Variants in TVP23C observed in about 807,000 individuals in gnomAD.
TVP23C encodes the protein Golgi apparatus membrane protein TVP23 homolog C.
A neutral mutation model predicts 28.7 loss-of-function variants in TVP23C; 19 were observed. The ratio of observed to expected loss-of-function variants is 0.66; its 90% CI spans 0.46 to 0.97. TVP23C has a LOEUF of 0.97. Among genes scored for constraint, TVP23C ranks in the 50% least tolerant of loss-of-function variants. The pLI is 0.00. For missense variants in TVP23C, 186 were observed against 241.3 expected (o/e 0.77, Z 1.52); for synonymous variants, 68 against 81.7 (o/e 0.83, Z 0.90).
chr17:15,523,069 G>T (rs1159383359), intron 5 of TVP23C, among the ~76,000 whole-genome samples: 1 of 152,084 alleles, frequency 6.6e-6, no homozygotes, highest in East Asian at 1.9e-4. Context: ...GAGTGCAGTG[G>T]TGCGATCTCG....
At chr17:15,503,062 T>A in exon 6 of TVP23C, 1 of 1,614,124 alleles carries the variant, frequency 6.2e-7, no homozygotes, top group Non-Finnish European at 8.5e-7. Context: ...AGTAAAGAGC[T>A]CGATCCGTGA....
intron 5 of TVP23C, among the ~76,000 whole-genome samples, chr17:15,528,229 G>A (rs1982806580): frequency 6.6e-6 from 1 of 152,130 alleles, no homozygotes; most frequent in Non-Finnish European, 1.5e-5. Flanking sequence ...AAAAATAAGT[G>A]TTTACTGTTA....
chr17:15,516,034 C>A (rs1442133138), intron 5 of TVP23C, among the ~76,000 whole-genome samples: 1 of 152,204 alleles, frequency 6.6e-6, no homozygotes, highest in Non-Finnish European at 1.5e-5. Flanking sequence ...GCGTGCTCCC[C>A]CTTTGCCTTC....
chr17:15,543,587 A>G (rs1260643570), intron 5 of TVP23C, among the ~76,000 whole-genome samples: 2 of 151,638 alleles, frequency 1.3e-5, no homozygotes, highest in Admixed American at 1.3e-4. Context: ...GGAAATACAG[A>G]GAGAAGCCTT....
At chr17:15,555,705 G>A (rs1472534136) in intron 1 of TVP23C, among the ~76,000 whole-genome samples, 5 of 151,874 alleles carry the variant, frequency 3.3e-5, no homozygotes, top group Non-Finnish European at 7.4e-5. Flanking sequence ...AGGCTACTGG[G>A]GATAATCTCA....
chr17:15,558,395 TCCTCA>T (rs1315737792), intron 1 of TVP23C, among the ~76,000 whole-genome samples: 1 of 143,780 alleles, frequency 7.0e-6, no homozygotes, highest in Non-Finnish European at 1.5e-5. Context: ...GCTGAATACC[TCCTCA>T]CCCCTCCCAA....
At chr17:15,534,030 G>C (rs1334352622), downstream of TVP23C, among the ~76,000 whole-genome samples, 1 of 152,196 alleles carries the variant, frequency 6.6e-6, no homozygotes, top group African/African-American at 2.4e-5. Flanking sequence ...CTTGTCAGAT[G>C]TTGTTGTTAT....
rs772786526 is a variant in TVP23C, at chr17:15,502,984, C to T, written c.711G>A (p.Ala237=). 15 of 1,613,802 alleles carry T rather than the reference C, an allele frequency of 9.3e-6. 2 individuals carry two copies. The South Asian group carries it at 1.6e-4, about 18-fold the overall frequency. The change falls in exon 6 of 6, where the codon GCG becomes GCA. Residue 237 remains alanine (A), a synonymous_variant. Transcript: ENST00000225576. Reference sequence around the variant, plus strand: ...GCAAGGAGAGAAATAGGCGGGCGGGCGCCATCTGTTGGCAGTTGCCTGGAG... The same window carrying T: ...GCAAGGAGAGAAATAGGCGGGCGGGTGCCATCTGTTGGCAGTTGCCTGGAG...
intron 5 of TVP23C, among the ~76,000 whole-genome samples, chr17:15,528,626 A>G (rs1036962105): frequency 1.3e-5 from 2 of 151,064 alleles, no homozygotes; most frequent in African/African-American, 4.9e-5. Context: ...TGTTTGTTTG[A>G]GATGGAGTCT....
rs777808921 is a variant in TVP23C at position 15,553,829 on chromosome 17, T to C, written c.96A>G (p.Arg32=). 5.6e-6 allele frequency: 9 copies of C among 1,613,660 alleles called. No individual in the cohort carries two copies. The highest frequency in any genetic ancestry group is 5.9e-6 in the Non-Finnish European group (7 of 1,179,784). ...AGTGGAAAAACGATGCTACTGGATG[T>C]CTGAAAACCAAAACACAATGAAAGA... ...TTNRPRKAKI[R]HPVASFFHLF... Residue 32 remains arginine (R), a splice_region_variant and synonymous_variant, in exon 3 of 6, where the codon AGA becomes AGG. Coordinates refer to ENST00000518321, the MANE Select transcript of TVP23C (RefSeq NM_001135036.2).
chr17:15,555,620 G>A (rs1984096875), intron 1 of TVP23C, among the ~76,000 whole-genome samples: 2 of 152,166 alleles, frequency 1.3e-5, no homozygotes, highest in African/African-American at 2.4e-5. Flanking sequence ...AGAAAACTCT[G>A]GGGTGCAGAT....
chr17:15,561,194 T>C (rs1345419299), intron 1 of TVP23C, among the ~76,000 whole-genome samples: 1 of 152,174 alleles, frequency 6.6e-6, no homozygotes, highest in African/African-American at 2.4e-5. Flanking sequence ...CGTTGAAGAT[T>C]TGAGTTTTAA....
intron 5 of TVP23C, among the ~76,000 whole-genome samples, chr17:15,545,272 C>T (rs1169567690): frequency 6.6e-6 from 1 of 152,134 alleles, no homozygotes; most frequent in Non-Finnish European, 1.5e-5. Flanking sequence ...ACCATGAGGC[C>T]ACCATGCCAT....
At chr17:15,509,845 T>A (rs1981926031) in intron 5 of TVP23C, among the ~76,000 whole-genome samples, 1 of 152,252 alleles carries the variant, frequency 6.6e-6, no homozygotes, top group Non-Finnish European at 1.5e-5. Flanking sequence ...ATGCTCTCAC[T>A]TGGCTCTTAC....
chr17:15,554,872 T>C (rs1444770521), intron 2 of TVP23C, among the ~76,000 whole-genome samples: 2 of 152,228 alleles, frequency 1.3e-5, no homozygotes, highest in African/African-American at 4.8e-5. Flanking sequence ...AAACAGCATT[T>C]TAGCAGGGTT....
downstream of TVP23C, among the ~76,000 whole-genome samples, chr17:15,535,310 C>G (rs1411859904): frequency 6.6e-6 from 1 of 151,256 alleles, no homozygotes; most frequent in Non-Finnish European, 1.5e-5. Context: ...CAAGACTAAT[C>G]ATTAAAATGC....
exon 6 of TVP23C, chr17:15,502,701 T>G: frequency 3.4e-6 from 4 of 1,161,732 alleles, no homozygotes; most frequent in Non-Finnish European, 4.6e-6. Flanking sequence ...TCCCTGTTCG[T>G]TCGTTCTTTC....
chr17:15,513,424 T>C (rs1481404683), intron 5 of TVP23C, among the ~76,000 whole-genome samples: 2 of 152,196 alleles, frequency 1.3e-5, no homozygotes, highest in Non-Finnish European at 2.9e-5. Context: ...TTTCTTTATT[T>C]AGATTTTCAC....
At chr17:15,561,241 A>T (rs1310903526) in intron 1 of TVP23C, among the ~76,000 whole-genome samples, 9 of 152,176 alleles carry the variant, frequency 5.9e-5, no homozygotes, top group Admixed American at 5.9e-4. Flanking sequence ...GGGCTATGGA[A>T]ATGTAGAATG....
Sources: allele counts gnomAD v4.1 joint callset (sites outside exome capture counted in the v4.1 genomes callset), GRCh38; gene constraint gnomAD v4.1.1; transcripts MANE v1.5; gene names NCBI Gene and HGNC (gene_info 2026-07-23, HGNC 2026-07-21).